GTF2H1: variants seen among roughly 807,000 people sequenced by gnomAD.
GTF2H1 encodes BTF2 p62.
Under a neutral mutation model 71.2 loss-of-function variants are expected in GTF2H1, and 16 were observed. That is an observed-to-expected ratio of 0.22 (90% CI 0.15 to 0.34). The LOEUF (loss-of-function observed/expected upper bound fraction) is 0.34, where lower values mean the gene tolerates loss of function less well. GTF2H1 is among the 10% of genes least tolerant of loss of function. The probability of loss-of-function intolerance (pLI) is 1.00; values close to 1 mark genes in which losing one functional copy is unlikely to be tolerated. For missense variants in GTF2H1, 498 were observed against 648.2 expected, an observed-to-expected ratio of 0.77 and a Z score of 2.52; for synonymous variants, 215 against 219.0, an observed-to-expected ratio of 0.98 and a Z score of 0.16.
intron 14 of GTF2H1, among the ~76,000 whole-genome samples, chr11:18,361,471 C>G (rs778077908): frequency 6.6e-6 from 1 of 152,142 alleles, no homozygotes; most frequent in Non-Finnish European, 1.5e-5. Flanking sequence ...GTTCCGAGAC[C>G]AGTTCTGGCC....
At chr11:18,345,992 G>A (rs890471271) in intron 7 of GTF2H1, among the ~76,000 whole-genome samples, 4 of 150,056 alleles carry the variant, frequency 2.7e-5, no homozygotes, top group Middle Eastern at 3.6e-3. Flanking sequence ...GGATTTCACC[G>A]TGTTAGCCAG....
chr11:18,351,067 G>A (rs1014044420), intron 9 of GTF2H1, among the ~76,000 whole-genome samples: 1 of 152,132 alleles, frequency 6.6e-6, no homozygotes, highest in African/African-American at 2.4e-5. Context: ...TTTGTTAAAA[G>A]AAACTTAGAT....
At position 18,362,487 on chromosome 11, in the gene GTF2H1, C is replaced by T. The variant is rs895640579; in HGVS notation, c.1560+1780C>T. 3.3e-5 allele frequency among the ~76,000 whole-genome samples: 5 copies of T among 151,982 alleles called. 1 individual carries two copies. The highest frequency in any genetic ancestry group is 1.3e-4 in the Admixed American group (2 of 15,246). ...GCCTTAGCTTACTATAACATTTTTA[C>T]CTTATAAACTTTTAAATATTTTTAA... On this transcript the variant is annotated intron_variant, in intron 14 of 14. Transcript: ENST00000265963.
chr11:18,355,914 A>C (rs1865533522), intron 11 of GTF2H1, among the ~76,000 whole-genome samples: 1 of 152,162 alleles, frequency 6.6e-6, no homozygotes, highest in African/African-American at 2.4e-5. Flanking sequence ...CTTTACAGTC[A>C]AACCCTTCCT....
intron 11 of GTF2H1, 58 bp downstream of exon 11, chr11:18,352,504 G>C: frequency 1.4e-6 from 1 of 739,150 alleles, no homozygotes; most frequent in South Asian, 1.5e-5. Context: ...CTCAGTTTAT[G>C]AGCACAAGCA....
At position 18,346,069 on chromosome 11, in the gene GTF2H1, C is replaced by A. The variant is rs1391821181; in HGVS notation, c.838-1519C>A. On this transcript the variant is annotated intron_variant, in intron 7 of 14. Transcript: ENST00000265963. ...CCTCCCAAAGTGTTGGGATTACAGGCGTAAGCCACCACGCCTGGCCCATAT... is the reference window on the plus strand; with the variant it reads ...CCTCCCAAAGTGTTGGGATTACAGGAGTAAGCCACCACGCCTGGCCCATAT... Among the ~76,000 whole-genome samples, 3 of 152,206 alleles carry A rather than the reference C, an allele frequency of 2.0e-5. No homozygotes were observed. The East Asian group carries it at 5.8e-4, about 29-fold the overall frequency.
chr11:18,350,136 C>G (rs562660928), intron 9 of GTF2H1, among the ~76,000 whole-genome samples: 1 of 152,180 alleles, frequency 6.6e-6, no homozygotes, highest in Non-Finnish European at 1.5e-5. Flanking sequence ...CAGTGGTTGA[C>G]TGCTGTTTAT....
intron 14 of GTF2H1, among the ~76,000 whole-genome samples, chr11:18,365,338 A>T (rs1865797055): frequency 6.6e-6 from 1 of 152,158 alleles, no homozygotes; most frequent in Non-Finnish European, 1.5e-5. Context: ...AAATCACACC[A>T]TAGCACTCCA....
chr11:18,333,142 C>T lies in GTF2H1; in HGVS notation c.68C>T (p.Ala23Val). The T allele has an allele frequency of 6.2e-7, 1 of 1,613,300 alleles. No individual in the cohort carries two copies. The highest frequency in any genetic ancestry group is 8.5e-7 in the Non-Finnish European group (1 of 1,179,694). ...GTGCGTCAAAAGAAGCAGGATGGAG[C>T]TCTGTACCTCATGGCAGAAAGAATT... ...KKVRQKKQDG[A>V]LYLMAERIAW... The change falls in exon 2 of 15, where the codon GCT becomes GTT. Residue 23 changes from alanine to valine, a missense_variant. Transcript: ENST00000265963.
At chr11:18,345,796 G>GTCTT (rs75644482) in intron 7 of GTF2H1, among the ~76,000 whole-genome samples, 2 of 125,216 alleles carry the variant, frequency 1.6e-5, no homozygotes, top group Non-Finnish European at 3.3e-5. Context: ...GCACATATGA[G>GTCTT]TTTTTTTTTT....
At chr11:18,346,461 A>G (rs1008566947) in intron 7 of GTF2H1, among the ~76,000 whole-genome samples, 1 of 152,184 alleles carries the variant, frequency 6.6e-6, no homozygotes, top group Non-Finnish European at 1.5e-5. Context: ...AGGATTGATT[A>G]GTAATTCTCT....
intron 2 of GTF2H1, chr11:18,333,647 T>G (rs1365959275): frequency 6.5e-6 from 1 of 154,282 alleles, no homozygotes; most frequent in Non-Finnish European, 1.4e-5. Context: ...AGTTGATGTG[T>G]TTTTTTGTGT....
At position 18,357,833 on chromosome 11, in the gene GTF2H1, A is replaced by G. The variant is rs1865594505; in HGVS notation, c.1261-119A>G. ...CTTTGACCACTGTAAATGATGTAGT[A>G]TTTAAACAAAAGGAAAAGCACTTCA... On this transcript the variant is annotated intron_variant, in intron 11 of 14. Transcript: ENST00000265963. The G allele has an allele frequency of 7.8e-5, 56 of 716,240 alleles. No individual in the cohort carries two copies. In the South Asian group the frequency reaches 8.6e-4, roughly 11 times the overall value. 44.4% of individuals were successfully genotyped at this position (716,240 alleles called of 1,614,324 possible).
intron 14 of GTF2H1, among the ~76,000 whole-genome samples, chr11:18,362,773 C>T (rs1315145867): frequency 6.7e-6 from 1 of 149,600 alleles, no homozygotes; most frequent in Non-Finnish European, 1.5e-5. Context: ...TGGGTTCAAG[C>T]GATTCTCCCG....
chr11:18,347,808 CT>C (rs766211199), intron 8 of GTF2H1, 23 bp from the exon 9 acceptor site: 75 of 1,593,054 alleles, frequency 4.7e-5, no homozygotes, highest in Non-Finnish European at 5.9e-5. Flanking sequence ...TTAACGTTAA[CT>C]TTTTTTTCCC....
At chr11:18,351,621 G>A in intron 9 of GTF2H1, 1 of 243,340 alleles carries the variant, frequency 4.1e-6, no homozygotes, top group East Asian at 8.0e-5. Flanking sequence ...ATAATAAAAT[G>A]TAAACTTTCA....
intron 1 of GTF2H1, among the ~76,000 whole-genome samples, chr11:18,326,435 T>G (rs1266207431): frequency 1.3e-5 from 2 of 151,808 alleles, no homozygotes; most frequent in African/African-American, 4.8e-5. Flanking sequence ...GGCAAGGGAA[T>G]CGCTTGAATC....
chr11:18,341,433 CACTGGTATTTA>C (rs1210687344), intron 6 of GTF2H1, 23 bp downstream of exon 6: 2 of 1,612,510 alleles, frequency 1.2e-6, no homozygotes, highest in Non-Finnish European at 1.7e-6. Flanking sequence ...CTCTGATAGA[CACTGGTATTTA>C]ACTTGCCACC....
In GTF2H1 at chr11:18,366,018, G is replaced by C; in HGVS notation, c.*149G>C. On this transcript the variant is annotated 3_prime_UTR_variant, in exon 15 of 15. Coordinates refer to ENST00000265963, the MANE Select transcript of GTF2H1 (RefSeq NM_005316.4). ...GCCAACTCCCAGAGCTGATGCTATT[G>C]TACTTGCACATTGGAGACTGAAAGG... The C allele has an allele frequency of 4.9e-6, 3 of 613,154 alleles. No homozygotes were observed. The highest frequency in any genetic ancestry group is 5.8e-6 in the Non-Finnish European group (2 of 343,366). The allele number at this position is 613,154 out of a possible 1,614,324, so 38.0% of individuals were successfully genotyped here.
Sources: allele counts gnomAD v4.1 joint callset (sites outside exome capture counted in the v4.1 genomes callset), GRCh38; gene constraint gnomAD v4.1.1; transcripts MANE v1.5; gene names NCBI Gene and HGNC (gene_info 2026-07-23, HGNC 2026-07-21).